Variants in ARHGEF3 observed in about 807,000 individuals in gnomAD.
ARHGEF3 encodes the protein Rho guanine nucleotide exchange factor 3.
In ARHGEF3, 28 loss-of-function variants were observed where a neutral mutation model predicts 63.2. That is an observed-to-expected ratio of 0.44 (90% CI 0.33 to 0.61). The LOEUF (loss-of-function observed/expected upper bound fraction) is 0.61. Ranked by LOEUF, ARHGEF3 falls within the 20% of genes least tolerant of loss-of-function variation. The probability of loss-of-function intolerance (pLI) is 0.03; values close to 1 mark genes in which losing one functional copy is unlikely to be tolerated. For synonymous variants in ARHGEF3, 266 were observed against 254.2 expected (o/e 1.05, Z -0.44); for missense variants, 533 against 659.3 (o/e 0.81, Z 2.10).
chr3:56,842,041 G>C (rs997574564), intron 4 of ARHGEF3, among the ~76,000 whole-genome samples: 1 of 152,060 alleles, frequency 6.6e-6, no homozygotes, highest in Non-Finnish European at 1.5e-5. Context: ...GCCATATGAA[G>C]TAGGAACTAC....
intron 4 of ARHGEF3, among the ~76,000 whole-genome samples, chr3:56,814,394 C>G (rs1273791596): frequency 6.6e-6 from 1 of 152,102 alleles, no homozygotes; most frequent in Non-Finnish European, 1.5e-5. Flanking sequence ...CCACGGAAGC[C>G]AAAAGATTGG....
chr3:56,903,098 AG>A (rs2041576182), intron 3 of ARHGEF3, among the ~76,000 whole-genome samples: 1 of 152,102 alleles, frequency 6.6e-6, no homozygotes, highest in African/African-American at 2.4e-5. Context: ...ACAGAGAGAG[AG>A]AGAGAGAACG....
chr3:56,941,668 T>A (rs1398632288), intron 3 of ARHGEF3, among the ~76,000 whole-genome samples: 1 of 152,240 alleles, frequency 6.6e-6, no homozygotes, highest in Non-Finnish European at 1.5e-5. Flanking sequence ...ACACACTCTC[T>A]TTAAAAAATT....
intron 1 of ARHGEF3, among the ~76,000 whole-genome samples, chr3:57,059,280 A>T (rs1302815480): frequency 6.6e-6 from 1 of 152,128 alleles, no homozygotes; most frequent in African/African-American, 2.4e-5. Flanking sequence ...CTTTAAGCCT[A>T]GAGCAAGGGT....
intron 3 of ARHGEF3, among the ~76,000 whole-genome samples, chr3:56,897,257 T>G (rs1227198994): frequency 6.6e-6 from 1 of 152,220 alleles, no homozygotes; most frequent in Admixed American, 6.5e-5. Context: ...CTGGTGCCTG[T>G]GTCCAGCTTG....
intron 1 of ARHGEF3, among the ~76,000 whole-genome samples, chr3:57,051,156 G>C (rs995097920): frequency 1.3e-5 from 2 of 152,138 alleles, no homozygotes; most frequent in African/African-American, 2.4e-5. Context: ...AACTACTTCT[G>C]GTACATACTA....
At chr3:56,896,736 G>C (rs1229655766) in intron 3 of ARHGEF3, among the ~76,000 whole-genome samples, 1 of 152,160 alleles carries the variant, frequency 6.6e-6, no homozygotes, top group Non-Finnish European at 1.5e-5. Flanking sequence ...GATTCAGGTT[G>C]CACATTCTAA....
At chr3:56,742,382 T>A (rs957877627) in intron 7 of ARHGEF3, among the ~76,000 whole-genome samples, 4 of 152,254 alleles carry the variant, frequency 2.6e-5, no homozygotes, top group Admixed American at 6.5e-5. Flanking sequence ...TATGAAATTC[T>A]AATAAAGATG....
chr3:56,969,511 G>A (rs560099432), intron 2 of ARHGEF3, among the ~76,000 whole-genome samples: 4 of 152,104 alleles, frequency 2.6e-5, no homozygotes, highest in African/African-American at 4.8e-5. Flanking sequence ...GGTGGCTCAC[G>A]CCTGTAATCC....
At chr3:56,849,694 C>T (rs2039607032) in intron 4 of ARHGEF3, among the ~76,000 whole-genome samples, 1 of 151,822 alleles carries the variant, frequency 6.6e-6, no homozygotes, top group Non-Finnish European at 1.5e-5. Flanking sequence ...ATTTAATCAC[C>T]AGACAAAGAA....
chr3:56,984,201 C>T (rs556455747), intron 2 of ARHGEF3, among the ~76,000 whole-genome samples: 1 of 152,336 alleles, frequency 6.6e-6, no homozygotes, highest in African/African-American at 2.4e-5. Context: ...CCGTGGGCTG[C>T]AGCCCCCTGC....
chr3:56,795,872 T>A (rs1455152723), intron 1 of ARHGEF3, among the ~76,000 whole-genome samples: 1 of 151,736 alleles, frequency 6.6e-6, no homozygotes, highest in Non-Finnish European at 1.5e-5. Flanking sequence ...ACCCCTGACC[T>A]CGTGATCCGA....
chr3:56,774,838 G>T (rs2036202180), intron 1 of ARHGEF3, among the ~76,000 whole-genome samples: 1 of 152,074 alleles, frequency 6.6e-6, no homozygotes, highest in African/African-American at 2.4e-5. Context: ...GTTCCAGTGA[G>T]CCGAGATTGC....
At chr3:57,020,492 C>T (rs1290557152) in intron 2 of ARHGEF3, among the ~76,000 whole-genome samples, 1 of 152,200 alleles carries the variant, frequency 6.6e-6, no homozygotes, top group Non-Finnish European at 1.5e-5. Context: ...CTGACTCCAT[C>T]CTCCACCCCC....
At position 56,923,025 on chromosome 3, in the gene ARHGEF3, AAT is replaced by A. The variant is rs72294634; in HGVS notation, c.129+35796_129+35797del. Among the ~76,000 whole-genome samples the A allele has an allele frequency of 5.6e-3, 510 of 90,544 alleles. 2 individuals carry two copies. The highest frequency in any genetic ancestry group is 8.7e-3 in the African/African-American group (178 of 20,550). 59.4% of individuals were successfully genotyped at this position (90,544 alleles called of 152,430 possible). ...AAATGGCAAAACCCCATCTCTACTA[AAT>A]ATATATATATATATATATATATATA... On this transcript the variant is annotated intron_variant, in intron 3 of 12. Coordinates refer to the ARHGEF3 transcript ENST00000338458.
Position 56,755,129 on chromosome 3 carries a change from T to C in ARHGEF3, c.227A>G (p.Glu76Gly). 6.2e-7 allele frequency: 1 copy of C among 1,613,728 alleles called. No individual in the cohort carries two copies. The highest frequency in any genetic ancestry group is 8.5e-7 in the Non-Finnish European group (1 of 1,179,996). Reference sequence around the variant, plus strand: ...GGGGGCGAGGATGTCAGGGCGGCTCTCACTGCGGAAGCTAATGGAGCGCTA... The same window carrying C: ...GGGGGCGAGGATGTCAGGGCGGCTCCCACTGCGGAAGCTAATGGAGCGCTA... ...TLQRSISFRS[E>G]SRPDILAPRP... Residue 76 changes from glutamate (E) to glycine (G), a missense_variant, in exon 3 of 10, where the codon GAG (glutamate) becomes GGG (glycine). Transcript: ENST00000296315.
chr3:57,060,301 CAA>C (rs11349486), intron 1 of ARHGEF3: 241 of 132,270 alleles, frequency 1.8e-3, no homozygotes, highest in Middle Eastern at 3.9e-3. Flanking sequence ...GATTCTGTCT[CAA>C]AAAAAAAAAA....
Position 56,821,435 on chromosome 3 carries a change from T to C in ARHGEF3, c.193-47619A>G, listed in dbSNP as rs188960788. ...CAACTTAGAAAGTTATAATTTCTTG[T>C]TATATGCTGGTGAGGGTACAGTTTC... On this transcript the variant is annotated intron_variant, in intron 4 of 12. Coordinates refer to the ARHGEF3 transcript ENST00000338458. 1.2e-4 allele frequency among the ~76,000 whole-genome samples: 18 copies of C among 152,338 alleles called. No individual in the cohort carries two copies. In the East Asian group the frequency reaches 3.5e-3, roughly 29 times the overall value.
At chr3:56,946,503 G>A (rs1699506597) in intron 3 of ARHGEF3, among the ~76,000 whole-genome samples, 1 of 152,152 alleles carries the variant, frequency 6.6e-6, no homozygotes, top group Non-Finnish European at 1.5e-5. Context: ...CAGCCGATTC[G>A]ATCAACTGGA....
Sources: gnomAD v4.1 joint callset for allele counts (sites outside exome capture counted in the v4.1 genomes callset) on GRCh38, gnomAD v4.1.1 for gene constraint, MANE v1.5 for transcripts, NCBI Gene and HGNC (gene_info 2026-07-23, HGNC 2026-07-21) for gene names.